Variants in PDE4D observed in about 807,000 individuals in gnomAD.
The protein encoded by PDE4D is phosphodiesterase 4D, also known as 3',5'-cyclic-AMP phosphodiesterase 4D.
In PDE4D, 24 loss-of-function variants were observed where a neutral mutation model predicts 87.4. The ratio of observed to expected loss-of-function variants is 0.27; its 90% confidence interval spans 0.20 to 0.39. PDE4D has a LOEUF of 0.39. Ranked by LOEUF, PDE4D falls within the 10% of genes least tolerant of loss-of-function variation. The pLI is 1.00. For missense variants in PDE4D, 714 were observed against 1,041.0 expected (o/e 0.69, Z 4.32); for synonymous variants, 384 against 383.2 (o/e 1.00, Z -0.02).
chr5:59,668,153 CCT>C (rs1473288988), intron 1 of PDE4D, among the ~76,000 whole-genome samples: 1 of 152,152 alleles, frequency 6.6e-6, no homozygotes, highest in Non-Finnish European at 1.5e-5. Flanking sequence ...TTCAGGTACT[CCT>C]CTGTAATTGG....
intron 1 of PDE4D, among the ~76,000 whole-genome samples, chr5:60,442,451 G>T (rs1745309881): frequency 6.6e-6 from 1 of 151,894 alleles, no homozygotes; most frequent in Non-Finnish European, 1.5e-5. Flanking sequence ...GGGGTGGGGG[G>T]ACTAGGGGAG....
intron 1 of PDE4D, among the ~76,000 whole-genome samples, chr5:59,235,759 A>G (rs1756274127): frequency 6.6e-6 from 1 of 152,228 alleles, no homozygotes; most frequent in African/African-American, 2.4e-5. Context: ...TGTAAATAGT[A>G]GAATGAAAAA....
chr5:59,860,038 T>C (rs150688334), intron 1 of PDE4D, among the ~76,000 whole-genome samples: 2 of 152,276 alleles, frequency 1.3e-5, no homozygotes, highest in East Asian at 1.9e-4. Flanking sequence ...TCCATTTTCA[T>C]TGGCATAGTA....
chr5:59,692,916 G>A (rs1751202324), intron 1 of PDE4D, among the ~76,000 whole-genome samples: 1 of 152,076 alleles, frequency 6.6e-6, no homozygotes, highest in African/African-American at 2.4e-5. Flanking sequence ...AAGTTATGAG[G>A]CTAAAGTATG....
At chr5:59,631,736 C>T (rs996490911) in intron 1 of PDE4D, among the ~76,000 whole-genome samples, 34 of 152,354 alleles carry the variant, frequency 2.2e-4, no homozygotes, top group East Asian at 1.2e-3. Flanking sequence ...GCTTTTCCCA[C>T]GGTCTTCACT....
chr5:60,012,272 T>A (rs1368374071), intron 2 of PDE4D, among the ~76,000 whole-genome samples: 1 of 152,172 alleles, frequency 6.6e-6, no homozygotes. Context: ...CATGAGTGCA[T>A]GCTACTTTTT....
intron 2 of PDE4D, among the ~76,000 whole-genome samples, chr5:60,139,688 T>G (rs549212989): frequency 2.6e-5 from 4 of 152,142 alleles, no homozygotes; most frequent in Non-Finnish European, 5.9e-5. Context: ...AGTATCTAGG[T>G]TCAGATAGGT....
intron 1 of PDE4D, among the ~76,000 whole-genome samples, chr5:60,415,436 G>A (rs1742412212): frequency 6.6e-6 from 1 of 152,264 alleles, no homozygotes; most frequent in South Asian, 2.1e-4. Context: ...GGCGCCCTCA[G>A]CTTGCGGGGA....
chr5:59,766,669 G>T (rs1762838212), intron 1 of PDE4D, among the ~76,000 whole-genome samples: 1 of 152,244 alleles, frequency 6.6e-6, no homozygotes, highest in South Asian at 2.1e-4. Context: ...TGGCTCCGTA[G>T]GAACTCATGC....
At chr5:59,029,416 C>CAAAAAAAAA (rs34120574) in intron 6 of PDE4D, among the ~76,000 whole-genome samples, 1 of 87,014 alleles carries the variant, frequency 1.1e-5, no homozygotes. Flanking sequence ...GACTCCATCA[C>CAAAAAAAAA]AAAAAAAAAA....
At chr5:60,300,487 T>C (rs1314530381) in intron 1 of PDE4D, among the ~76,000 whole-genome samples, 2 of 152,358 alleles carry the variant, frequency 1.3e-5, no homozygotes, top group East Asian at 3.9e-4. Context: ...ACCTATGTCC[T>C]GAATGGTAAT....
At chr5:60,488,867 T>A (rs1214475883), upstream of PDE4D, among the ~76,000 whole-genome samples, 21 of 152,160 alleles carry the variant, frequency 1.4e-4, no homozygotes, top group Admixed American at 1.4e-3. Context: ...CATAAGAATG[T>A]TCCATGGTAG....
intron 1 of PDE4D, among the ~76,000 whole-genome samples, chr5:59,341,502 A>C (rs1423440004): frequency 6.6e-6 from 1 of 152,214 alleles, no homozygotes; most frequent in African/African-American, 2.4e-5. Flanking sequence ...ACAAAGTTAA[A>C]TTCTGTAAAT....
intron 1 of PDE4D, among the ~76,000 whole-genome samples, chr5:59,471,649 T>A (rs540539255): frequency 6.6e-6 from 1 of 152,316 alleles, no homozygotes; most frequent in South Asian, 2.1e-4. Flanking sequence ...CATTTCCTTT[T>A]CCCTCTCTGC....
intron 5 of PDE4D, among the ~76,000 whole-genome samples, chr5:59,060,404 C>T (rs769142177): frequency 9.2e-5 from 14 of 152,052 alleles, no homozygotes; most frequent in Non-Finnish European, 1.5e-5. Context: ...ACGCAAACAC[C>T]AATAACAAAA....
intron 1 of PDE4D, among the ~76,000 whole-genome samples, chr5:59,817,731 C>A (rs1334911380): frequency 1.3e-5 from 2 of 150,004 alleles, no homozygotes; most frequent in Non-Finnish European, 3.0e-5. Flanking sequence ...CGCGCGCGCG[C>A]ACACACCCAC....
intron 2 of PDE4D, among the ~76,000 whole-genome samples, chr5:60,002,143 C>T (rs1255236344): frequency 3.3e-5 from 5 of 151,886 alleles, no homozygotes; most frequent in Non-Finnish European, 1.5e-5. Flanking sequence ...AAAATGCTGT[C>T]TCATATTGGG....
At chr5:59,029,513 A>G (rs958857405) in intron 6 of PDE4D, among the ~76,000 whole-genome samples, 2 of 152,122 alleles carry the variant, frequency 1.3e-5, no homozygotes, top group African/African-American at 4.8e-5. Flanking sequence ...AAACAACTGA[A>G]GAAGACAGAA....
At chr5:59,801,254 C>A (rs1485989632) in intron 1 of PDE4D, among the ~76,000 whole-genome samples, 1 of 152,118 alleles carries the variant, frequency 6.6e-6, no homozygotes, top group Non-Finnish European at 1.5e-5. Context: ...GTAATGTAAA[C>A]CCATGAATCT....
Sources: gnomAD v4.1 joint callset for allele counts (sites outside exome capture counted in the v4.1 genomes callset) on GRCh38, gnomAD v4.1.1 for gene constraint, MANE v1.5 for transcripts, NCBI Gene and HGNC (gene_info 2026-07-23, HGNC 2026-07-21) for gene names.